The following ADAMTS3 variants were observed in gnomAD, a reference collection of about 807,000 sequenced individuals.
The protein encoded by ADAMTS3 is A disintegrin and metalloproteinase with thrombospondin motifs 3.
A neutral mutation model predicts 129.0 loss-of-function variants in ADAMTS3; 73 were observed. That is an observed-to-expected ratio of 0.57 (90% CI 0.47 to 0.69). The LOEUF (loss-of-function observed/expected upper bound fraction) is 0.69. ADAMTS3 is among the 30% of genes least tolerant of loss of function. The probability of loss-of-function intolerance (pLI) is 0.00; values close to 1 mark genes in which losing one functional copy is unlikely to be tolerated. For synonymous variants in ADAMTS3, 477 were observed against 510.8 expected (o/e 0.93, Z 0.89); for missense variants, 1,457 against 1,514.5 (o/e 0.96, Z 0.63).
chr4:72,308,696 C>T (rs1560466580), intron 15 of ADAMTS3, among the ~76,000 whole-genome samples: 1 of 151,830 alleles, frequency 6.6e-6, no homozygotes, highest in Non-Finnish European at 1.5e-5. Context: ...ATGAAAATTC[C>T]AATGAATATT....
At chr4:72,517,465 C>T (rs1327778233) in intron 3 of ADAMTS3, among the ~76,000 whole-genome samples, 4 of 151,988 alleles carry the variant, frequency 2.6e-5, no homozygotes, top group Non-Finnish European at 2.9e-5. Flanking sequence ...CCATCTGGTC[C>T]TGGACTCTTT....
intron 3 of ADAMTS3, among the ~76,000 whole-genome samples, chr4:72,468,760 A>T (rs1436692258): frequency 2.6e-5 from 4 of 152,066 alleles, no homozygotes; most frequent in African/African-American, 7.2e-5. Flanking sequence ...TGAAAAAAAA[A>T]ACGAGAAGAA....
At chr4:72,462,938 A>T (rs905216831) in intron 3 of ADAMTS3, among the ~76,000 whole-genome samples, 3 of 152,010 alleles carry the variant, frequency 2.0e-5, no homozygotes, top group Non-Finnish European at 4.4e-5. Flanking sequence ...TGAAGTCTAG[A>T]GGAGTGTACA....
chr4:72,460,161 A>G (rs1204510837), intron 3 of ADAMTS3, among the ~76,000 whole-genome samples: 1 of 151,576 alleles, frequency 6.6e-6, no homozygotes, highest in Non-Finnish European at 1.5e-5. Flanking sequence ...TTTACCGGTC[A>G]TTAGCTGGTT....
At chr4:72,542,465 CT>C (rs1232708861) in intron 3 of ADAMTS3, among the ~76,000 whole-genome samples, 1 of 152,134 alleles carries the variant, frequency 6.6e-6, no homozygotes, top group Admixed American at 6.5e-5. Flanking sequence ...CGCCCGGCCC[CT>C]GTTATCATTA....
At position 72,487,517 on chromosome 4, in the gene ADAMTS3, C is replaced by G. The variant is rs147279363; in HGVS notation, c.504+60961G>C. On this transcript the variant is annotated intron_variant, in intron 3 of 21. Coordinates refer to ENST00000286657, the MANE Select transcript of ADAMTS3 (RefSeq NM_014243.3). The stretch of plus-strand genomic sequence containing the variant: ...AGATGCCCATCTCTGTCTGCCCTGT[C>G]CCTCACCATACATGGGCAATCAGTT... 2.7e-4 allele frequency among the ~76,000 whole-genome samples: 41 copies of G among 152,202 alleles called. No individual in the cohort carries two copies. In the East Asian group the frequency reaches 7.2e-3, roughly 27 times the overall value.
chr4:72,545,910 C>T (rs1721454172), intron 3 of ADAMTS3, among the ~76,000 whole-genome samples: 1 of 152,188 alleles, frequency 6.6e-6, no homozygotes, highest in South Asian at 2.1e-4. Context: ...ATTTCATTTA[C>T]CAGATTAAGC....
At chr4:72,513,881 G>C (rs543389954) in intron 3 of ADAMTS3, among the ~76,000 whole-genome samples, 1 of 152,174 alleles carries the variant, frequency 6.6e-6, no homozygotes, top group South Asian at 2.1e-4. Context: ...TGTTATTAGG[G>C]TAAACATGTG....
intron 5 of ADAMTS3, among the ~76,000 whole-genome samples, chr4:72,339,147 A>G (rs531683713): frequency 6.6e-6 from 1 of 152,244 alleles, no homozygotes; most frequent in South Asian, 2.1e-4. Context: ...CATAGGCAAC[A>G]TGAAAGCAGA....
At chr4:72,515,605 C>T (rs1178651758) in intron 3 of ADAMTS3, among the ~76,000 whole-genome samples, 1 of 151,002 alleles carries the variant, frequency 6.6e-6, no homozygotes, top group South Asian at 2.1e-4. Context: ...AGCATTTTTT[C>T]ATGTGTCTTT....
At chr4:72,473,597 A>C (rs1719142915) in intron 3 of ADAMTS3, among the ~76,000 whole-genome samples, 1 of 150,212 alleles carries the variant, frequency 6.7e-6, no homozygotes, top group Admixed American at 6.6e-5. Context: ...ACACCAGCAC[A>C]GGCCAAGTGG....
At chr4:72,358,803 C>A (rs1720646842) in intron 4 of ADAMTS3, among the ~76,000 whole-genome samples, 1 of 151,836 alleles carries the variant, frequency 6.6e-6, no homozygotes, top group African/African-American at 2.4e-5. Flanking sequence ...AACAGAGCTA[C>A]CTCAGACTTG....
chr4:72,304,465 T>C (rs1211163419), intron 16 of ADAMTS3, among the ~76,000 whole-genome samples: 4 of 152,136 alleles, frequency 2.6e-5, no homozygotes, highest in Admixed American at 1.3e-4. Flanking sequence ...CAATTTATGC[T>C]AGGATAGCAT....
chr4:72,303,948 T>C lies in ADAMTS3; in HGVS notation c.2393A>G (p.Asp798Gly). 6.2e-7 allele frequency: 1 copy of C among 1,613,612 alleles called. No individual in the cohort carries two copies. The highest frequency in any genetic ancestry group is 8.5e-7 in the Non-Finnish European group (1 of 1,179,670). ...IEDDIESLHT[D>G]GPLHDPVIVL... ...AATAACAGGATCATGTAAAGGTCCA[T>C]CGGTGTGAAGACTTTCAATGTCATC... Residue 798 changes from aspartate to glycine, a missense_variant, in exon 17 of 22, where the codon GAT becomes GGT. Asp to Gly is a moderately conservative substitution (Grantham distance 94). Coordinates refer to ENST00000286657, the MANE Select transcript of ADAMTS3 (RefSeq NM_014243.3).
In ADAMTS3 at chr4:72,396,770, A is replaced by AAT. The variant is rs1444055576; in HGVS notation, c.661+18043_661+18044dup. On this transcript the variant is annotated intron_variant, in intron 4 of 21. Transcript: ENST00000286657. ...TTCTGGATTTACAAAAGTACTAAGT[A>AAT]ATATATATAAAACAAAGAACCCTTA... Among the ~76,000 whole-genome samples the AAT allele has an allele frequency of 9.2e-5, 14 of 152,362 alleles. No individual in the cohort carries two copies. The East Asian group carries it at 2.1e-3, about 23-fold the overall frequency.
Position 72,483,451 on chromosome 4 carries a change from T to C in ADAMTS3, c.504+65027A>G, listed in dbSNP as rs570567482. ...GTCTTATAATAAATGTCTTAGCTAATGGCAAGTATCCCTCACTCCTTTTAT... is the reference window on the plus strand; with the variant it reads ...GTCTTATAATAAATGTCTTAGCTAACGGCAAGTATCCCTCACTCCTTTTAT... On this transcript the variant is annotated intron_variant, in intron 3 of 21. Transcript: ENST00000286657. Among the ~76,000 whole-genome samples the C allele has an allele frequency of 2.0e-3, 308 of 152,312 alleles. 3 individuals are homozygous for C. The highest frequency in any genetic ancestry group is 7.2e-3 in the African/African-American group (299 of 41,580).
chr4:72,311,196 G>A lies in ADAMTS3; in HGVS notation c.1922-15C>T. 6.3e-7 allele frequency: 1 copy of A among 1,599,774 alleles called. No homozygotes were observed. Among genetic ancestry groups the A allele is most frequent in the Non-Finnish European group, 8.5e-7 (1 of 1,172,824 alleles). ...TCTTTTCTTGGCTGCATAAGATGGA[G>A]GATAAAATTAACTATTTACATAAAA... On this transcript the variant is annotated splice_polypyrimidine_tract_variant and intron_variant, in intron 13 of 21. Coordinates refer to ENST00000286657, the MANE Select transcript of ADAMTS3 (RefSeq NM_014243.3).
intron 3 of ADAMTS3, among the ~76,000 whole-genome samples, chr4:72,470,727 C>T (rs1000222546): frequency 2.0e-5 from 3 of 152,016 alleles, no homozygotes; most frequent in African/African-American, 7.2e-5. Flanking sequence ...AACTGCTGGG[C>T]TTCCACATGA....
chr4:72,518,066 C>G (rs547951799), intron 3 of ADAMTS3, among the ~76,000 whole-genome samples: 30 of 152,224 alleles, frequency 2.0e-4, no homozygotes, highest in African/African-American at 6.7e-4. Flanking sequence ...CAAAGAATAT[C>G]TTTATTTCTG....
Sources: allele counts gnomAD v4.1 joint callset (sites outside exome capture counted in the v4.1 genomes callset), GRCh38; gene constraint gnomAD v4.1.1; transcripts MANE v1.5; gene names NCBI Gene and HGNC (gene_info 2026-07-23, HGNC 2026-07-21).